The following SCLT1 variants were observed in gnomAD, a reference collection of about 807,000 sequenced individuals.
SCLT1 encodes the protein sodium channel-associated protein 1.
In SCLT1, 78 loss-of-function variants were observed where a neutral mutation model predicts 112.8. The ratio of observed to expected loss-of-function variants is 0.69; its 90% confidence interval spans 0.58 to 0.83. The LOEUF (loss-of-function observed/expected upper bound fraction) is 0.83, where lower values mean the gene tolerates loss of function less well. Among genes scored for constraint, SCLT1 ranks in the 40% least tolerant of loss-of-function variants. The pLI is 0.00. For missense variants in SCLT1, 747 were observed against 770.4 expected (o/e 0.97, Z 0.36); for synonymous variants, 257 against 254.7 (o/e 1.01, Z -0.09).
chr4:129,021,122 G>A (rs1745433606), intron 5 of SCLT1, among the ~76,000 whole-genome samples: 1 of 152,108 alleles, frequency 6.6e-6, no homozygotes, highest in South Asian at 2.1e-4. Context: ...AGTAGGGTGG[G>A]GTGTCGCTTT....
chr4:129,075,145 A>G (rs1458577982), intron 2 of SCLT1, among the ~76,000 whole-genome samples: 1 of 152,174 alleles, frequency 6.6e-6, no homozygotes, highest in Non-Finnish European at 1.5e-5. Context: ...TACACTCTGT[A>G]AGCACTCTAA....
At chr4:129,024,594 G>A (rs540392026) in intron 5 of SCLT1, among the ~76,000 whole-genome samples, 17 of 152,210 alleles carry the variant, frequency 1.1e-4, no homozygotes, top group Non-Finnish European at 2.1e-4. Flanking sequence ...CCACAAAGAT[G>A]GGGAAAAAAC....
At chr4:128,938,282 G>A (rs1383198922) in intron 17 of SCLT1, among the ~76,000 whole-genome samples, 7 of 151,948 alleles carry the variant, frequency 4.6e-5, no homozygotes, top group African/African-American at 1.2e-4. Flanking sequence ...ACAAAACAAG[G>A]CCCAACAACA....
At chr4:129,008,147 A>G (rs1744193721) in intron 5 of SCLT1, among the ~76,000 whole-genome samples, 1 of 151,856 alleles carries the variant, frequency 6.6e-6, no homozygotes, top group Non-Finnish European at 1.5e-5. Context: ...TCCCATATTT[A>G]CCCCTTCCAT....
At chr4:128,897,230 C>T (rs1200039301) in intron 18 of SCLT1, among the ~76,000 whole-genome samples, 1 of 151,920 alleles carries the variant, frequency 6.6e-6, no homozygotes, top group Non-Finnish European at 1.5e-5. Flanking sequence ...GTCAGATTCA[C>T]CAAAGTTGAA....
intron 5 of SCLT1, among the ~76,000 whole-genome samples, chr4:129,024,765 A>T (rs1745867525): frequency 6.6e-6 from 1 of 152,204 alleles, no homozygotes; most frequent in South Asian, 2.1e-4. Flanking sequence ...TACAGGAGGA[A>T]ATTCAAACCA....
At chr4:129,010,001 T>C (rs937297846) in intron 5 of SCLT1, among the ~76,000 whole-genome samples, 1 of 152,236 alleles carries the variant, frequency 6.6e-6, no homozygotes, top group African/African-American at 2.4e-5. Context: ...TTTTGGTATC[T>C]TCTTAATAAA....
At chr4:129,012,473 G>A (rs1744618692) in intron 5 of SCLT1, among the ~76,000 whole-genome samples, 1 of 152,218 alleles carries the variant, frequency 6.6e-6, no homozygotes, top group African/African-American at 2.4e-5. Flanking sequence ...GCCATGTGGT[G>A]ATGAGAAGAA....
At chr4:129,030,661 C>T (rs568277748) in intron 5 of SCLT1, among the ~76,000 whole-genome samples, 31 of 152,038 alleles carry the variant, frequency 2.0e-4, no homozygotes, top group Non-Finnish European at 4.1e-4. Flanking sequence ...ATAAAAACTA[C>T]CATTAGAAAA....
intron 5 of SCLT1, among the ~76,000 whole-genome samples, chr4:129,016,482 C>T (rs1166164999): frequency 6.6e-6 from 1 of 152,106 alleles, no homozygotes; most frequent in Non-Finnish European, 1.5e-5. Flanking sequence ...TTTTTACTGC[C>T]TATTATTTCT....
At chr4:128,935,286 T>C (rs1405156769) in intron 18 of SCLT1, among the ~76,000 whole-genome samples, 1 of 152,026 alleles carries the variant, frequency 6.6e-6, no homozygotes, top group Non-Finnish European at 1.5e-5. Context: ...AACTCTTTCA[T>C]TTTAAATATA....
chr4:128,944,259 A>G (rs938808495), intron 16 of SCLT1, among the ~76,000 whole-genome samples: 2 of 152,164 alleles, frequency 1.3e-5, no homozygotes, highest in Non-Finnish European at 2.9e-5. Flanking sequence ...ATAAAATGAC[A>G]TATCTAGGGA....
At chr4:128,987,733 A>G (rs1742224687) in intron 9 of SCLT1, among the ~76,000 whole-genome samples, 1 of 152,160 alleles carries the variant, frequency 6.6e-6, no homozygotes, top group Non-Finnish European at 1.5e-5. Flanking sequence ...GGTCTCAAAG[A>G]GGATGTACTA....
intron 18 of SCLT1, among the ~76,000 whole-genome samples, chr4:128,913,314 G>A (rs1256485761): frequency 6.6e-6 from 1 of 152,198 alleles, no homozygotes; most frequent in African/African-American, 2.4e-5. Context: ...GGAAACACAG[G>A]CATGGGAAAA....
chr4:128,959,360 G>A lies in SCLT1; in HGVS notation c.1047+240C>T, dbSNP rs113433942. Among the ~76,000 whole-genome samples the A allele has an allele frequency of 6.4e-3, 975 of 151,784 alleles. 16 individuals are homozygous for A. The highest frequency in any genetic ancestry group is 0.022 in the African/African-American group (919 of 41,386). On this transcript the variant is annotated intron_variant, in intron 12 of 20. Coordinates refer to ENST00000281142, the MANE Select transcript of SCLT1 (RefSeq NM_144643.4). ...ACTACAGGGGATGAAGATTAGTTACGCAGCATCTGGGAGAATAAGAAAGTC... is the reference window on the plus strand; with the variant it reads ...ACTACAGGGGATGAAGATTAGTTACACAGCATCTGGGAGAATAAGAAAGTC...
intron 5 of SCLT1, among the ~76,000 whole-genome samples, chr4:129,028,928 G>A (rs190686946): frequency 6.6e-6 from 1 of 152,188 alleles, no homozygotes; most frequent in East Asian, 1.9e-4. Context: ...GTGAAAAAAC[G>A]CTCACCATCA....
At chr4:129,057,565 T>C (rs984338756) in intron 2 of SCLT1, among the ~76,000 whole-genome samples, 5 of 151,576 alleles carry the variant, frequency 3.3e-5, no homozygotes, top group Non-Finnish European at 7.4e-5. Flanking sequence ...AGTTTTTTTT[T>C]TTTTTTTAAG....
intron 2 of SCLT1, among the ~76,000 whole-genome samples, chr4:129,072,707 T>C (rs998292891): frequency 6.6e-6 from 1 of 152,190 alleles, no homozygotes; most frequent in African/African-American, 2.4e-5. Flanking sequence ...CCTTCACTTC[T>C]TGTCTCATTT....
chr4:128,881,367 CTT>C (rs920115507), downstream of SCLT1, among the ~76,000 whole-genome samples: 5 of 152,030 alleles, frequency 3.3e-5, no homozygotes, highest in Non-Finnish European at 5.9e-5. Context: ...TTTTTTCACT[CTT>C]TCTTGATTTG....
Sources: allele counts gnomAD v4.1 joint callset (sites outside exome capture counted in the v4.1 genomes callset), GRCh38; gene constraint gnomAD v4.1.1; transcripts MANE v1.5; gene names NCBI Gene and HGNC (gene_info 2026-07-23, HGNC 2026-07-21).